SPINK1: variants seen among roughly 807,000 people sequenced by gnomAD.
The protein encoded by SPINK1 is serine protease inhibitor Kazal-type 1.
SPINK1 carries 5 observed loss-of-function variants against 9.5 expected under a neutral mutation model. The ratio of observed to expected loss-of-function variants is 0.52; its 90% CI spans 0.27 to 1.10. The LOEUF (loss-of-function observed/expected upper bound fraction) is 1.10. Among genes scored for constraint, SPINK1 ranks in the 50% least tolerant of loss-of-function variants. The pLI is 0.11. For synonymous variants in SPINK1, 37 were observed against 32.3 expected, an observed-to-expected ratio of 1.14 and a Z score of -0.49; for missense variants, 88 against 92.7, an observed-to-expected ratio of 0.95 and a Z score of 0.21.
chr5:147,824,717 G>A lies in SPINK1; in HGVS notation c.195-11C>T. On this transcript the variant is annotated splice_polypyrimidine_tract_variant and intron_variant, in intron 3 of 3. Transcript: ENST00000296695. The stretch of plus-strand genomic sequence containing the variant: ...GAAGTCTGGCGTTTCCTGCAGTAGA[G>A]ATTAAAAAAAATATATCAGCTTAAA... The A allele has an allele frequency of 1.2e-6, 2 of 1,613,438 alleles. No homozygotes were observed. Among genetic ancestry groups the A allele is most frequent in the Admixed American group, 1.7e-5 (1 of 59,972 alleles).
chr5:147,835,165 T>C (rs929166801), upstream of SPINK1, among the ~76,000 whole-genome samples: 1 of 152,242 alleles, frequency 6.6e-6, no homozygotes, highest in Admixed American at 6.5e-5. Context: ...CAATTATAAA[T>C]CTGCCATTTC....
chr5:147,837,133 AT>A, the SPINK1 span, among the ~76,000 whole-genome samples: 1 of 152,116 alleles, frequency 6.6e-6, no homozygotes, highest in South Asian at 2.1e-4. Flanking sequence ...TAAAATTCAA[AT>A]TTTTTTTGTA....
chr5:147,825,358 T>C (rs545871608), intron 3 of SPINK1, among the ~76,000 whole-genome samples: 2 of 152,294 alleles, frequency 1.3e-5, no homozygotes, highest in East Asian at 3.9e-4. Context: ...TGTACGGGCT[T>C]ACAAAAATTC....
chr5:147,831,707 A>G (rs1756512607), upstream of SPINK1: 1 of 1,526,924 alleles, frequency 6.5e-7, no homozygotes, highest in South Asian at 1.2e-5. Flanking sequence ...TATATCACAG[A>G]TCTCCCTGGT....
At chr5:147,832,194 T>C (rs1756520966), upstream of SPINK1, among the ~76,000 whole-genome samples, 1 of 152,190 alleles carries the variant, frequency 6.6e-6, no homozygotes, top group Non-Finnish European at 1.5e-5. Flanking sequence ...ATTCTGGAGC[T>C]AGAGGGTGCT....
chr5:147,838,814 T>TCTATTCATCTTC, the SPINK1 span, among the ~76,000 whole-genome samples: 1 of 152,108 alleles, frequency 6.6e-6, no homozygotes, highest in Non-Finnish European at 1.5e-5. Context: ...CATTCATCTT[T>TCTATTCATCTTC]CTATTCATCT....
chr5:147,828,719 T>C (rs990820250), intron 2 of SPINK1, among the ~76,000 whole-genome samples: 1 of 152,218 alleles, frequency 6.6e-6, no homozygotes, highest in Non-Finnish European at 1.5e-5. Context: ...GTGAACTAAG[T>C]ATTATATTCT....
chr5:147,824,965 T>C (rs531574755), intron 3 of SPINK1, among the ~76,000 whole-genome samples: 1 of 152,300 alleles, frequency 6.6e-6, no homozygotes, highest in East Asian at 1.9e-4. Flanking sequence ...ACAGATCTCG[T>C]GGGGTGTTAC....
upstream of SPINK1, among the ~76,000 whole-genome samples, chr5:147,836,299 TGTGTGTG>T (rs1561608213): frequency 1.2e-4 from 5 of 42,852 alleles, no homozygotes; most frequent in African/African-American, 6.4e-4. Flanking sequence ...TACTGATTTG[TGTGTGTG>T]TGTGTGTGTG....
At position 147,824,656 on chromosome 5, in the gene SPINK1, G is replaced by T. The variant is rs1356436706; in HGVS notation, c.*5C>A. ...TGACCTGATGGGATTTCAAAACCTTGGTTCTCAGCAAGGCCCAGATTTTTG... is the reference window on the plus strand; with the variant it reads ...TGACCTGATGGGATTTCAAAACCTTTGTTCTCAGCAAGGCCCAGATTTTTG... On this transcript the variant is annotated 3_prime_UTR_variant, in exon 4 of 4. Coordinates refer to ENST00000296695, the MANE Select transcript of SPINK1 (RefSeq NM_001379610.1). The T allele has an allele frequency of 1.2e-6, 2 of 1,613,928 alleles. No homozygotes were observed. The highest frequency in any genetic ancestry group is 1.7e-5 in the Admixed American group (1 of 60,004).
the SPINK1 span, among the ~76,000 whole-genome samples, chr5:147,838,195 A>G: frequency 6.6e-6 from 1 of 152,240 alleles, no homozygotes; most frequent in African/African-American, 2.4e-5. Context: ...GTTCAAACAT[A>G]AGACAAGGAA....
rs1189352289 is a variant in SPINK1 at position 147,824,797 on chromosome 5, TC to T, written c.195-92del. 7 of 1,156,278 alleles carry T rather than the reference TC, an allele frequency of 6.1e-6. No homozygotes were observed. The East Asian group carries it at 1.7e-4, about 27-fold the overall frequency. 71.6% of individuals were successfully genotyped at this position (1,156,278 alleles called of 1,614,324 possible). A position where few individuals can be genotyped will look rare whatever the true frequency, so the allele number is the denominator to read the frequency against. On this transcript the variant is annotated intron_variant, in intron 3 of 3. Coordinates refer to ENST00000296695, the MANE Select transcript of SPINK1 (RefSeq NM_001379610.1). ...AAAAACAGGGGGAAAAATAACAGCT[TC>T]ATTTAAAGTTGGAGAGGTTTGAGAT...
chr5:147,833,236 A>G (rs943292418), upstream of SPINK1, among the ~76,000 whole-genome samples: 1 of 152,206 alleles, frequency 6.6e-6, no homozygotes, highest in African/African-American at 2.4e-5. Flanking sequence ...TGGCTTGAGC[A>G]AAGTGATAGA....
chr5:147,833,667 T>C (rs148276928), upstream of SPINK1, among the ~76,000 whole-genome samples: 1,169 of 152,264 alleles, frequency 7.7e-3, 6 homozygotes, highest in South Asian at 0.017. Context: ...TCCCCCTGGG[T>C]TTCTGCATTT....
chr5:147,829,463 T>C (rs1472964312), intron 2 of SPINK1, 136 bp downstream of exon 2: 3 of 786,324 alleles, frequency 3.8e-6, no homozygotes, highest in African/African-American at 1.7e-5. Flanking sequence ...ACCATTTGCA[T>C]TTCTCACGTT....
At chr5:147,836,296 T>TTGTGTGTGTGTG (rs58122057), upstream of SPINK1, among the ~76,000 whole-genome samples, 3,795 of 146,484 alleles carry the variant, frequency 0.026, 171 homozygotes, top group African/African-American at 0.09. Flanking sequence ...ATTTACTGAT[T>TTGTGTGTGTGTG]TGTGTGTGTG....
chr5:147,835,125 A>C (rs1448198454), upstream of SPINK1, among the ~76,000 whole-genome samples: 1 of 152,116 alleles, frequency 6.6e-6, no homozygotes, highest in Non-Finnish European at 1.5e-5. Context: ...AAGAGGATAA[A>C]AAAAACCCAT....
upstream of SPINK1, among the ~76,000 whole-genome samples, chr5:147,835,854 T>C (rs1756586430): frequency 6.6e-6 from 1 of 152,150 alleles, no homozygotes; most frequent in African/African-American, 2.4e-5. Context: ...TGCAACTTAA[T>C]TCTTCAACTT....
At chr5:147,838,774 C>T in the SPINK1 span, among the ~76,000 whole-genome samples, 1 of 152,140 alleles carries the variant, frequency 6.6e-6, no homozygotes, top group Non-Finnish European at 1.5e-5. Context: ...TCTAATCCAT[C>T]ATCAACTTTC....
Sources: gnomAD v4.1 joint callset for allele counts (sites outside exome capture counted in the v4.1 genomes callset) on GRCh38, gnomAD v4.1.1 for gene constraint, MANE v1.5 for transcripts, NCBI Gene and HGNC (gene_info 2026-07-23, HGNC 2026-07-21) for gene names.